The following TYW1 variants were observed in gnomAD, a reference collection of about 807,000 sequenced individuals.
The protein encoded by TYW1 is tRNA-yW synthesizing protein 1 homolog.
Under a neutral mutation model 96.2 loss-of-function variants are expected in TYW1, and 46 were observed. The observed-to-expected ratio is 0.48, with a 90% confidence interval of 0.38 to 0.61. The LOEUF (loss-of-function observed/expected upper bound fraction) is 0.61, where lower values mean the gene tolerates loss of function less well. Ranked by LOEUF, TYW1 falls within the 20% of genes least tolerant of loss-of-function variation. TYW1 has a pLI of 0.00. For missense variants in TYW1, 684 were observed against 909.6 expected (o/e 0.75, Z 3.19); for synonymous variants, 274 against 323.0 (o/e 0.85, Z 1.63).
At chr7:67,134,115 G>A (rs1043213677) in intron 13 of TYW1, among the ~76,000 whole-genome samples, 6 of 151,976 alleles carry the variant, frequency 3.9e-5, no homozygotes, top group African/African-American at 1.4e-4. Context: ...CCTCAGTGCC[G>A]CGGATAGTGC....
intron 13 of TYW1, among the ~76,000 whole-genome samples, chr7:67,171,037 T>C (rs1200869641): frequency 6.6e-6 from 1 of 152,160 alleles, no homozygotes; most frequent in Non-Finnish European, 1.5e-5. Flanking sequence ...TCTTAAGCTT[T>C]TATTTGTTGG....
intron 13 of TYW1, among the ~76,000 whole-genome samples, chr7:67,138,700 G>T (rs911018885): frequency 2.0e-5 from 3 of 151,868 alleles, no homozygotes; most frequent in African/African-American, 7.3e-5. Context: ...TTGATTTTTC[G>T]ATCCCACAGT....
intron 15 of TYW1, among the ~76,000 whole-genome samples, chr7:67,210,143 T>A (rs549363989): frequency 6.6e-6 from 1 of 152,326 alleles, no homozygotes; most frequent in South Asian, 2.1e-4. Context: ...CTCTTTAGGC[T>A]CCTCTTGGCG....
intron 10 of TYW1, 65 bp downstream of exon 10, chr7:67,067,468 G>T: frequency 1.3e-6 from 2 of 1,576,330 alleles, no homozygotes; most frequent in Middle Eastern, 1.7e-4. Flanking sequence ...AATCTGCCCA[G>T]CTCACACTCA....
chr7:67,118,767 C>T (rs1797674614), intron 13 of TYW1, among the ~76,000 whole-genome samples: 2 of 150,804 alleles, frequency 1.3e-5, no homozygotes, highest in African/African-American at 2.4e-5. Flanking sequence ...GTGGTCCCAG[C>T]TACTCAGGAG....
Position 67,184,591 on chromosome 7 carries a change from CATTTT to C in TYW1, c.1809+1410_1809+1414del, listed in dbSNP as rs202120294. On this transcript the variant is annotated intron_variant, in intron 14 of 15. Coordinates refer to ENST00000359626, the MANE Select transcript of TYW1 (RefSeq NM_018264.4). ...TTTTAGGGAAGCTTTTCTGAGATGA[CATTTT>C]ATTTTATTTTATTTTATTTTATTTT... Among the ~76,000 whole-genome samples the C allele has an allele frequency of 6.5e-3, 551 of 84,186 alleles. 82 individuals carry two copies. The highest frequency in any genetic ancestry group is 0.018 in the East Asian group (64 of 3,462). The allele number at this position is 84,186 out of a possible 152,430, so 55.2% of individuals were successfully genotyped here. A position where few individuals can be genotyped will look rare whatever the true frequency, so the allele number is the denominator to read the frequency against.
At chr7:67,152,370 A>G (rs1798829616) in intron 13 of TYW1, among the ~76,000 whole-genome samples, 4 of 152,072 alleles carry the variant, frequency 2.6e-5, no homozygotes, top group Admixed American at 6.5e-5. Flanking sequence ...GTGCTATTTC[A>G]CCTTGCTCAC....
At chr7:67,035,869 A>G (rs1440614145) in intron 7 of TYW1, among the ~76,000 whole-genome samples, 3 of 151,350 alleles carry the variant, frequency 2.0e-5, no homozygotes, top group Admixed American at 1.3e-4. Flanking sequence ...AGTAGAGACG[A>G]GGTTTCACCG....
At chr7:67,038,273 A>T (rs985222368) in intron 7 of TYW1, among the ~76,000 whole-genome samples, 1 of 152,080 alleles carries the variant, frequency 6.6e-6, no homozygotes, top group African/African-American at 2.4e-5. Flanking sequence ...ACTGCACTCC[A>T]GCCTGGGTGA....
At chr7:67,143,576 G>GGA (rs1798515440) in intron 13 of TYW1, among the ~76,000 whole-genome samples, 1 of 152,188 alleles carries the variant, frequency 6.6e-6, no homozygotes, top group Non-Finnish European at 1.5e-5. Flanking sequence ...TGGCGATTTG[G>GGA]GAAAGCACGT....
chr7:67,168,798 G>A lies in TYW1; in HGVS notation c.1699-14328G>A, dbSNP rs189467534. ...GCGATCTTGGCTCACTGCCACCTCC[G>A]CCTCCCAGGTTCAAGCGGTTCTCCT... On this transcript the variant is annotated intron_variant, in intron 13 of 15. Coordinates refer to ENST00000359626, the MANE Select transcript of TYW1 (RefSeq NM_018264.4). Among the ~76,000 whole-genome samples, 392 of 151,686 alleles carry A rather than the reference G, an allele frequency of 2.6e-3. 4 individuals are homozygous for A. Among genetic ancestry groups the A allele is most frequent in the Admixed American group, 0.024 (361 of 15,216 alleles).
chr7:67,110,616 C>T (rs375388148), intron 12 of TYW1, among the ~76,000 whole-genome samples: 4 of 152,122 alleles, frequency 2.6e-5, no homozygotes, highest in African/African-American at 4.8e-5. Context: ...AACCAAGAAA[C>T]GAACAAAACA....
At chr7:67,146,072 CT>C (rs1379672736) in intron 13 of TYW1, among the ~76,000 whole-genome samples, 1 of 151,928 alleles carries the variant, frequency 6.6e-6, no homozygotes, top group Non-Finnish European at 1.5e-5. Context: ...GGCCTTTGTT[CT>C]TTTTTTATTA....
chr7:67,083,417 A>G lies in TYW1; in HGVS notation c.1275-13A>G, dbSNP rs1234442323. 2 of 1,613,596 alleles carry G rather than the reference A, an allele frequency of 1.2e-6. No individual in the cohort carries two copies. The highest frequency in any genetic ancestry group is 3.3e-5 in the Admixed American group (2 of 59,912). Reference sequence around the variant, plus strand: ...ACAGAAGGGTCTTTTAGAACTTTGCATCTTGTTCCTAGGCACCACACCAAC... The same window carrying G: ...ACAGAAGGGTCTTTTAGAACTTTGCGTCTTGTTCCTAGGCACCACACCAAC... On this transcript the variant is annotated splice_polypyrimidine_tract_variant and intron_variant, in intron 10 of 15. Transcript: ENST00000359626.
intron 8 of TYW1, among the ~76,000 whole-genome samples, chr7:67,053,113 G>T (rs1795413091): frequency 6.8e-6 from 1 of 146,658 alleles, no homozygotes; most frequent in African/African-American, 2.5e-5. Context: ...CTGGGACAAG[G>T]TTAAGTTACT....
Position 67,027,180 on chromosome 7 carries a change from A to G in TYW1, c.984+2158A>G, listed in dbSNP as rs185064208. On this transcript the variant is annotated intron_variant, in intron 7 of 15. Coordinates refer to ENST00000359626, the MANE Select transcript of TYW1 (RefSeq NM_018264.4). ...ATGTCACTGCACCCCGGCCTGCATG[A>G]CATTGTGAGACCTTGTTTCAAAAAA... Among the ~76,000 whole-genome samples, 761 of 151,924 alleles carry G rather than the reference A, an allele frequency of 5.0e-3. 1 individual carries two copies. Among genetic ancestry groups the G allele is most frequent in the Middle Eastern group, 0.01 (3 of 294 alleles).
At chr7:67,029,412 T>TATATACATATATATATATATAC (rs1562973590) in intron 7 of TYW1, among the ~76,000 whole-genome samples, 2 of 139,298 alleles carry the variant, frequency 1.4e-5, no homozygotes, top group Non-Finnish European at 3.1e-5. Flanking sequence ...TGTGTGTGTG[T>TATATACATATATATATATATAC]GTGTATATAT....
At chr7:67,186,654 T>C (rs1325902757) in intron 14 of TYW1, among the ~76,000 whole-genome samples, 4 of 152,002 alleles carry the variant, frequency 2.6e-5, no homozygotes, top group Non-Finnish European at 5.9e-5. Flanking sequence ...ACCTGGCTAA[T>C]TTAAAACATT....
At chr7:67,137,643 T>C (rs34622829) in intron 13 of TYW1, among the ~76,000 whole-genome samples, 1 of 151,692 alleles carries the variant, frequency 6.6e-6, no homozygotes, top group Non-Finnish European at 1.5e-5. Context: ...CTCTGGGAGG[T>C]GTGGTTGGGT....
Sources: gnomAD v4.1 joint callset for allele counts (sites outside exome capture counted in the v4.1 genomes callset) on GRCh38, gnomAD v4.1.1 for gene constraint, MANE v1.5 for transcripts, NCBI Gene and HGNC (gene_info 2026-07-23, HGNC 2026-07-21) for gene names.